The following PDZRN3 variants were observed in gnomAD, a reference collection of about 807,000 sequenced individuals.
PDZRN3 encodes the protein PDZ domain containing ring finger 3.
Under a neutral mutation model 85.7 loss-of-function variants are expected in PDZRN3, and 38 were observed. The observed-to-expected ratio is 0.44, with a 90% CI of 0.34 to 0.58. The LOEUF (loss-of-function observed/expected upper bound fraction) is 0.58, where lower values mean the gene tolerates loss of function less well. Ranked by LOEUF, PDZRN3 falls within the 20% of genes least tolerant of loss-of-function variation. The pLI, the probability that PDZRN3 is intolerant of heterozygous loss-of-function variation, is 0.01. For missense variants in PDZRN3, 1,629 were observed against 1,506.4 expected (o/e 1.08, Z -1.35); for synonymous variants, 759 against 638.0 (o/e 1.19, Z -2.86).
At chr3:73,472,968 T>C (rs1391149094) in intron 3 of PDZRN3, among the ~76,000 whole-genome samples, 2 of 152,186 alleles carry the variant, frequency 1.3e-5, no homozygotes, top group Non-Finnish European at 2.9e-5. Context: ...TCTGTTTATA[T>C]AGATTTAATT....
At chr3:73,501,436 T>TCC (rs1468003729) in intron 3 of PDZRN3, among the ~76,000 whole-genome samples, 1 of 151,968 alleles carries the variant, frequency 6.6e-6, no homozygotes, top group African/African-American at 2.4e-5. Flanking sequence ...ATCTCCAGCT[T>TCC]CCCCCTTTCC....
chr3:73,591,873 T>C lies in PDZRN3; in HGVS notation c.918+10481A>G, dbSNP rs557890535. Among the ~76,000 whole-genome samples the C allele has an allele frequency of 3.3e-5, 5 of 152,316 alleles. No homozygotes were observed. The South Asian group carries it at 1.0e-3, about 32-fold the overall frequency. ...GCTGCCCTTCTAATTAACTTGGTGTTATTTTCCTATAAACATAGGTCTCAC... is the reference window on the plus strand; with the variant it reads ...GCTGCCCTTCTAATTAACTTGGTGTCATTTTCCTATAAACATAGGTCTCAC... On this transcript the variant is annotated intron_variant, in intron 3 of 9. Coordinates refer to ENST00000263666, the MANE Select transcript of PDZRN3 (RefSeq NM_015009.3).
intron 3 of PDZRN3, among the ~76,000 whole-genome samples, chr3:73,405,559 T>C (rs1701836236): frequency 1.3e-5 from 2 of 152,244 alleles, no homozygotes; most frequent in African/African-American, 2.4e-5. Context: ...AGGAATCATA[T>C]TCCATAGGAC....
intron 3 of PDZRN3, among the ~76,000 whole-genome samples, chr3:73,594,577 C>T (rs1225073496): frequency 6.6e-6 from 1 of 152,120 alleles, no homozygotes; most frequent in African/African-American, 2.4e-5. Context: ...CATTTAGAAT[C>T]CCAACACCAG....
At chr3:73,579,221 T>C (rs925131475) in intron 3 of PDZRN3, among the ~76,000 whole-genome samples, 1 of 152,142 alleles carries the variant, frequency 6.6e-6, no homozygotes, top group African/African-American at 2.4e-5. Flanking sequence ...GAAGGTACCA[T>C]CTTTGATGCA....
At chr3:73,458,947 G>A (rs1282407121) in intron 3 of PDZRN3, among the ~76,000 whole-genome samples, 1 of 147,778 alleles carries the variant, frequency 6.8e-6, no homozygotes, top group Admixed American at 6.9e-5. Flanking sequence ...AGCCAAGATT[G>A]CACCACTGCA....
intron 2 of PDZRN3, among the ~76,000 whole-genome samples, chr3:73,605,179 C>A (rs2106900367): frequency 6.6e-6 from 1 of 150,878 alleles, no homozygotes. Flanking sequence ...TGCACTCCAA[C>A]CTGGGTGACA....
chr3:73,521,915 A>G (rs1368204798), intron 3 of PDZRN3, among the ~76,000 whole-genome samples: 3 of 152,154 alleles, frequency 2.0e-5, no homozygotes, highest in African/African-American at 7.2e-5. Context: ...TCAAAGTTCT[A>G]AGACTTCAGT....
At chr3:73,545,880 G>C (rs910719484) in intron 3 of PDZRN3, among the ~76,000 whole-genome samples, 5 of 152,086 alleles carry the variant, frequency 3.3e-5, no homozygotes, top group African/African-American at 1.2e-4. Flanking sequence ...CGGGGAGGAG[G>C]GGTTGGTGGG....
intron 3 of PDZRN3, among the ~76,000 whole-genome samples, chr3:73,419,248 T>G (rs574790996): frequency 1.1e-4 from 17 of 152,284 alleles, no homozygotes; most frequent in African/African-American, 4.1e-4. Context: ...TTCATGTACA[T>G]GACTTTGATT....
chr3:73,415,666 T>C (rs1176283030), intron 3 of PDZRN3, among the ~76,000 whole-genome samples: 1 of 152,194 alleles, frequency 6.6e-6, no homozygotes, highest in Non-Finnish European at 1.5e-5. Flanking sequence ...TTATTGCGTT[T>C]AATGATTTTG....
At chr3:73,460,501 C>A (rs575084859) in intron 3 of PDZRN3, among the ~76,000 whole-genome samples, 1 of 152,180 alleles carries the variant, frequency 6.6e-6, no homozygotes, top group Non-Finnish European at 1.5e-5. Context: ...TCATCTTGAC[C>A]ATCCACTGGA....
chr3:73,535,100 T>C (rs1704745862), intron 3 of PDZRN3, among the ~76,000 whole-genome samples: 1 of 152,154 alleles, frequency 6.6e-6, no homozygotes, highest in African/African-American at 2.4e-5. Flanking sequence ...TGTTGTCTTT[T>C]CCTTCTGCCT....
intron 4 of PDZRN3, among the ~76,000 whole-genome samples, chr3:73,403,638 A>C (rs1701797248): frequency 6.6e-6 from 1 of 152,158 alleles, no homozygotes; most frequent in Non-Finnish European, 1.5e-5. Context: ...AAAGAAATCC[A>C]TGTGGCGTGC....
Position 73,383,102 on chromosome 3 carries a change from A to G in PDZRN3, c.*263T>C. On this transcript the variant is annotated 3_prime_UTR_variant, in exon 10 of 10. Coordinates refer to ENST00000263666, the MANE Select transcript of PDZRN3 (RefSeq NM_015009.3). ...TTCTGAAATTTAAACACTTTATGTA[A>G]AAGGGTACAGGTAGAAAAGTACAAT... 2.7e-6 allele frequency: 1 copy of G among 373,544 alleles called. No homozygotes were observed. The highest frequency in any genetic ancestry group is 4.1e-5 in the East Asian group (1 of 24,282). The allele number at this position is 373,544 out of a possible 1,614,324, so 23.1% of individuals were successfully genotyped here.
At chr3:73,402,827 G>GT (rs1369827724) in intron 4 of PDZRN3, among the ~76,000 whole-genome samples, 1 of 151,980 alleles carries the variant, frequency 6.6e-6, no homozygotes, top group East Asian at 1.9e-4. Context: ...TTGAAATAAT[G>GT]TATCAAGTCA....
At chr3:73,451,172 T>C (rs1702851555) in intron 3 of PDZRN3, among the ~76,000 whole-genome samples, 1 of 152,144 alleles carries the variant, frequency 6.6e-6, no homozygotes, top group African/African-American at 2.4e-5. Context: ...TTCTTCCGGG[T>C]GGGGAGCAGG....
chr3:73,476,847 T>G (rs1703469087), intron 3 of PDZRN3, among the ~76,000 whole-genome samples: 1 of 152,150 alleles, frequency 6.6e-6, no homozygotes, highest in African/African-American at 2.4e-5. Flanking sequence ...AGCTGAGCCT[T>G]CAGATGACTG....
chr3:73,443,507 G>T (rs1171302107), intron 3 of PDZRN3, among the ~76,000 whole-genome samples: 13 of 143,728 alleles, frequency 9.0e-5, no homozygotes, highest in Admixed American at 2.1e-4. Context: ...TTGGGGGGGG[G>T]ACAGCGCTTG....
Sources: gnomAD v4.1 joint callset for allele counts (sites outside exome capture counted in the v4.1 genomes callset) on GRCh38, gnomAD v4.1.1 for gene constraint, MANE v1.5 for transcripts, NCBI Gene and HGNC (gene_info 2026-07-23, HGNC 2026-07-21) for gene names.